Variants in RFX4 observed in about 807,000 individuals in gnomAD.
The protein encoded by RFX4 is regulatory factor X4.
Under a neutral mutation model 95.0 loss-of-function variants are expected in RFX4, and 10 were observed. The ratio of observed to expected loss-of-function variants is 0.11; its 90% CI spans 0.06 to 0.18. RFX4 has a LOEUF of 0.18. RFX4 is among the 10% of genes least tolerant of loss of function. RFX4 has a pLI of 1.00. For synonymous variants in RFX4, 321 were observed against 340.7 expected, an observed-to-expected ratio of 0.94 and a Z score of 0.64; for missense variants, 640 against 922.0, an observed-to-expected ratio of 0.69 and a Z score of 3.96.
chr12:106,715,836 G>A (rs893001634), intron 11 of RFX4, among the ~76,000 whole-genome samples: 9 of 152,156 alleles, frequency 5.9e-5, no homozygotes, highest in African/African-American at 1.7e-4. Flanking sequence ...GTTCCATGGA[G>A]GTGGCATTAA....
At chr12:106,719,382 C>T (rs998418847) in intron 11 of RFX4, among the ~76,000 whole-genome samples, 1 of 152,192 alleles carries the variant, frequency 6.6e-6, no homozygotes, top group African/African-American at 2.4e-5. Context: ...AAGAGAGCAG[C>T]AATGCCTCAC....
chr12:106,584,809 G>A (rs2039430025), intron 1 of RFX4, among the ~76,000 whole-genome samples: 1 of 152,160 alleles, frequency 6.6e-6, no homozygotes. Flanking sequence ...TCAAGGCCCC[G>A]CCTGATTGCA....
At chr12:106,754,827 G>T (rs1259712164) in intron 17 of RFX4, among the ~76,000 whole-genome samples, 3 of 152,180 alleles carry the variant, frequency 2.0e-5, no homozygotes, top group African/African-American at 4.8e-5. Context: ...TCTTAGACGA[G>T]TGCCTCTGAC....
chr12:106,757,363 T>C (rs567108844), intron 17 of RFX4, among the ~76,000 whole-genome samples: 141 of 152,086 alleles, frequency 9.3e-4, no homozygotes, highest in African/African-American at 3.3e-3. Flanking sequence ...GCCTGGGCAA[T>C]GTAGTGAGAC....
chr12:106,660,216 A>G (rs2041044733), intron 4 of RFX4, among the ~76,000 whole-genome samples: 1 of 152,006 alleles, frequency 6.6e-6, no homozygotes, highest in African/African-American at 2.4e-5. Flanking sequence ...GAGGAGATAT[A>G]TACACATGAG....
chr12:106,717,816 G>C (rs1216535427), intron 11 of RFX4, among the ~76,000 whole-genome samples: 1 of 152,220 alleles, frequency 6.6e-6, no homozygotes, highest in African/African-American at 2.4e-5. Flanking sequence ...TCCAGCACAT[G>C]TGCGTCAACC....
At chr12:106,758,309 C>T (rs1366194391) in intron 17 of RFX4, among the ~76,000 whole-genome samples, 2 of 152,228 alleles carry the variant, frequency 1.3e-5, no homozygotes, top group Non-Finnish European at 2.9e-5. Flanking sequence ...CTCTTCACTA[C>T]AGGGAAAACG....
intron 1 of RFX4, among the ~76,000 whole-genome samples, chr12:106,592,538 C>A (rs2039563363): frequency 6.6e-6 from 1 of 152,138 alleles, no homozygotes; most frequent in Admixed American, 6.5e-5. Context: ...GATCGAGGCC[C>A]CTCCACAACT....
chr12:106,633,602 C>G (rs952917528), intron 2 of RFX4, among the ~76,000 whole-genome samples: 3 of 152,130 alleles, frequency 2.0e-5, no homozygotes, highest in Non-Finnish European at 2.9e-5. Flanking sequence ...TAGATAAGGG[C>G]CTTCAGGCTT....
intron 3 of RFX4, among the ~76,000 whole-genome samples, chr12:106,649,416 C>A (rs1369458484): frequency 6.6e-6 from 1 of 152,144 alleles, no homozygotes; most frequent in Non-Finnish European, 1.5e-5. Flanking sequence ...TAGTTATAAG[C>A]CACCTAGTTA....
chr12:106,638,657 T>C (rs1366720436), intron 2 of RFX4, among the ~76,000 whole-genome samples: 1 of 152,190 alleles, frequency 6.6e-6, no homozygotes, highest in African/African-American at 2.4e-5. Flanking sequence ...ATTTATTAAT[T>C]AACAGAGATT....
chr12:106,697,220 C>A (rs1048300763), intron 8 of RFX4, among the ~76,000 whole-genome samples: 1 of 152,150 alleles, frequency 6.6e-6, no homozygotes, highest in Non-Finnish European at 1.5e-5. Context: ...TCCGTCCACA[C>A]CTTTGTGACA....
At chr12:106,749,751 AT>A (rs1169344578) in intron 16 of RFX4, among the ~76,000 whole-genome samples, 1 of 152,142 alleles carries the variant, frequency 6.6e-6, no homozygotes, top group Non-Finnish European at 1.5e-5. Context: ...CGTGCGCAGC[AT>A]TTTTATGGAT....
chr12:106,692,184 A>T (rs1438679952), intron 7 of RFX4, among the ~76,000 whole-genome samples: 1 of 151,422 alleles, frequency 6.6e-6, no homozygotes, highest in African/African-American at 2.4e-5. Context: ...GCAAATCTGC[A>T]TGTAGGGGAC....
chr12:106,670,717 C>G (rs1429412478), intron 4 of RFX4, among the ~76,000 whole-genome samples: 1 of 152,146 alleles, frequency 6.6e-6, no homozygotes, highest in Non-Finnish European at 1.5e-5. Flanking sequence ...AGAGTTACAT[C>G]AGTATAGTAA....
At chr12:106,670,697 T>C (rs542151157) in intron 4 of RFX4, among the ~76,000 whole-genome samples, 18 of 152,178 alleles carry the variant, frequency 1.2e-4, no homozygotes, top group Non-Finnish European at 2.6e-4. Flanking sequence ...TAAAAATTGT[T>C]GAGTAGGTAA....
intron 15 of RFX4, among the ~76,000 whole-genome samples, chr12:106,738,726 A>G (rs2042755602): frequency 6.6e-6 from 1 of 152,218 alleles, no homozygotes; most frequent in Non-Finnish European, 1.5e-5. Context: ...TTGCTAAATT[A>G]GACTGGATCT....
At chr12:106,747,641 G>T (rs780865557) in intron 16 of RFX4, 42 bp downstream of exon 16, 8 of 1,601,040 alleles carry the variant, frequency 5.0e-6, no homozygotes, top group South Asian at 1.1e-5. Context: ...TTTAAAATTT[G>T]ATCTAAAGAG....
intron 10 of RFX4, 112 bp downstream of exon 10, chr12:106,711,623 C>A (rs2042192875): frequency 1.2e-6 from 1 of 807,648 alleles, no homozygotes; most frequent in Non-Finnish European, 2.1e-6. Flanking sequence ...GGCACTCTCT[C>A]TATTATTTTT....
Sources: allele counts gnomAD v4.1 joint callset (sites outside exome capture counted in the v4.1 genomes callset), GRCh38; gene constraint gnomAD v4.1.1; transcripts MANE v1.5; gene names NCBI Gene and HGNC (gene_info 2026-07-23, HGNC 2026-07-21).